MARCHF1: variants seen among roughly 807,000 people sequenced by gnomAD.
MARCHF1 encodes E3 ubiquitin-protein ligase MARCHF1.
Under a neutral mutation model 54.2 loss-of-function variants are expected in MARCHF1, and 40 were observed. The ratio of observed to expected loss-of-function variants is 0.74; its 90% CI spans 0.57 to 0.96. The LOEUF (loss-of-function observed/expected upper bound fraction) is 0.96. MARCHF1 is among the 40% of genes least tolerant of loss of function. MARCHF1 has a pLI of 0.00. For missense variants in MARCHF1, 586 were observed against 656.5 expected (o/e 0.89, Z 1.17); for synonymous variants, 236 against 236.3 (o/e 1.00, Z 0.01).
intron 2 of MARCHF1, among the ~76,000 whole-genome samples, chr4:164,097,209 G>A (rs1305939831): frequency 2.0e-5 from 3 of 152,012 alleles, no homozygotes; most frequent in Non-Finnish European, 4.4e-5. Context: ...TAAAGATCTT[G>A]GTAAATATAT....
At chr4:163,986,325 C>T (rs556277104) in intron 3 of MARCHF1, among the ~76,000 whole-genome samples, 39 of 127,742 alleles carry the variant, frequency 3.1e-4, no homozygotes, top group Non-Finnish European at 3.8e-4. Flanking sequence ...AGTGCAGTGG[C>T]GCGATCTCGG....
intron 1 of MARCHF1, among the ~76,000 whole-genome samples, chr4:164,273,441 G>A (rs956241399): frequency 2.0e-5 from 3 of 152,144 alleles, no homozygotes; most frequent in Admixed American, 6.5e-5. Context: ...TTCAAGATGA[G>A]ATTTAGGTGG....
At chr4:164,235,759 G>C (rs1239604212) in intron 1 of MARCHF1, among the ~76,000 whole-genome samples, 2 of 151,170 alleles carry the variant, frequency 1.3e-5, no homozygotes, top group Non-Finnish European at 2.9e-5. Context: ...GGGGCCCTGG[G>C]GATAAAAAAA....
intron 7 of MARCHF1, among the ~76,000 whole-genome samples, chr4:163,600,392 A>G (rs1740925423): frequency 6.6e-6 from 1 of 152,126 alleles, no homozygotes; most frequent in African/African-American, 2.4e-5. Flanking sequence ...GAATCCTGGC[A>G]GCATTAAAAA....
At chr4:164,134,230 G>A (rs962989387) in intron 1 of MARCHF1, among the ~76,000 whole-genome samples, 7 of 152,160 alleles carry the variant, frequency 4.6e-5, no homozygotes, top group African/African-American at 1.7e-4. Flanking sequence ...CTACAAGAGG[G>A]TGGTCATTGA....
intron 1 of MARCHF1, among the ~76,000 whole-genome samples, chr4:164,258,781 T>C (rs559518062): frequency 6.6e-6 from 1 of 152,304 alleles, no homozygotes; most frequent in Non-Finnish European, 1.5e-5. Context: ...TATTGCTCAC[T>C]TTAGTAGCTC....
At chr4:164,123,504 G>A (rs1756115030) in intron 1 of MARCHF1, among the ~76,000 whole-genome samples, 1 of 152,010 alleles carries the variant, frequency 6.6e-6, no homozygotes, top group Non-Finnish European at 1.5e-5. Context: ...GCTATCCTAA[G>A]CAAAAAGAAC....
At chr4:164,225,025 G>A (rs1029994883) in intron 1 of MARCHF1, among the ~76,000 whole-genome samples, 2 of 151,938 alleles carry the variant, frequency 1.3e-5, no homozygotes, top group Non-Finnish European at 2.9e-5. Context: ...TTGTCACTAA[G>A]ACTTCCCTAA....
chr4:163,693,001 G>A lies in MARCHF1; in HGVS notation c.162+7812C>T, dbSNP rs554943136. ...CAGTTTGTATTCATCTGGCATGGAC[G>A]TTAATATACAATCATGGTCCTGTTC... On this transcript the variant is annotated intron_variant, in intron 5 of 9. Transcript: ENST00000514618. 1.3e-4 allele frequency among the ~76,000 whole-genome samples: 20 copies of A among 151,556 alleles called. No individual in the cohort carries two copies. The South Asian group carries it at 3.3e-3, about 25-fold the overall frequency.
At chr4:164,086,831 A>G (rs1755202138) in intron 2 of MARCHF1, among the ~76,000 whole-genome samples, 1 of 152,116 alleles carries the variant, frequency 6.6e-6, no homozygotes, top group Non-Finnish European at 1.5e-5. Flanking sequence ...GAGAAGATAG[A>G]TGGTGTCTTG....
At chr4:163,539,202 G>C (rs1263076699) in intron 9 of MARCHF1, among the ~76,000 whole-genome samples, 2 of 151,990 alleles carry the variant, frequency 1.3e-5, no homozygotes, top group Non-Finnish European at 1.5e-5. Context: ...TGTATTTTTA[G>C]TAGAGACAGA....
At chr4:164,213,409 A>AT (rs935370448) in intron 1 of MARCHF1, among the ~76,000 whole-genome samples, 2 of 151,126 alleles carry the variant, frequency 1.3e-5, no homozygotes, top group African/African-American at 2.4e-5. Context: ...AAATTTTTGT[A>AT]TTTTTTTAGT....
intron 1 of MARCHF1, among the ~76,000 whole-genome samples, chr4:164,369,963 T>G (rs905367511): frequency 5.3e-5 from 8 of 152,204 alleles, no homozygotes; most frequent in African/African-American, 1.9e-4. Context: ...AATATATTAT[T>G]CATTATTACA....
At chr4:163,717,404 C>CA (rs1253492690) in intron 4 of MARCHF1, among the ~76,000 whole-genome samples, 2 of 151,826 alleles carry the variant, frequency 1.3e-5, no homozygotes. Context: ...CATTGTTGGA[C>CA]ATTTGGGTTG....
At chr4:164,137,487 A>C (rs1004807614) in intron 1 of MARCHF1, among the ~76,000 whole-genome samples, 11 of 152,190 alleles carry the variant, frequency 7.2e-5, no homozygotes, top group Non-Finnish European at 1.3e-4. Flanking sequence ...AGTAAGGAAA[A>C]TTCAGCTATC....
At chr4:164,160,261 G>A (rs1730195798) in intron 1 of MARCHF1, among the ~76,000 whole-genome samples, 1 of 152,060 alleles carries the variant, frequency 6.6e-6, no homozygotes, top group African/African-American at 2.4e-5. Context: ...TGCAAACCTA[G>A]GTGGCATAAT....
intron 1 of MARCHF1, among the ~76,000 whole-genome samples, chr4:164,136,089 T>TC (rs1035744534): frequency 6.6e-6 from 1 of 151,828 alleles, no homozygotes; most frequent in African/African-American, 2.4e-5. Context: ...TTTTTTTTTT[T>TC]CCTGTGCAGA....
chr4:164,029,568 C>A (rs1753834813), intron 2 of MARCHF1, among the ~76,000 whole-genome samples: 1 of 151,058 alleles, frequency 6.6e-6, no homozygotes, highest in African/African-American at 2.4e-5. Context: ...ATTAAATTGA[C>A]ATATATATAT....
intron 1 of MARCHF1, among the ~76,000 whole-genome samples, chr4:164,203,757 T>C (rs1420559194): frequency 1.3e-5 from 2 of 152,140 alleles, no homozygotes; most frequent in Non-Finnish European, 2.9e-5. Flanking sequence ...TGCCTGACCT[T>C]CAATCTGGAC....
Sources: allele counts gnomAD v4.1 joint callset (sites outside exome capture counted in the v4.1 genomes callset), GRCh38; gene constraint gnomAD v4.1.1; transcripts MANE v1.5; gene names NCBI Gene and HGNC (gene_info 2026-07-23, HGNC 2026-07-21).